GPR158: variants seen among roughly 807,000 people sequenced by gnomAD.
The protein encoded by GPR158 is metabotropic glycine receptor.
GPR158 carries 30 observed loss-of-function variants against 78.2 expected under a neutral mutation model. The observed-to-expected ratio is 0.38, with a 90% CI of 0.29 to 0.52. The LOEUF (loss-of-function observed/expected upper bound fraction) is 0.52, where lower values mean the gene tolerates loss of function less well. Ranked by LOEUF, GPR158 falls within the 20% of genes least tolerant of loss-of-function variation. The pLI is 0.83. For missense variants in GPR158, 1,463 were observed against 1,523.5 expected (o/e 0.96, Z 0.66); for synonymous variants, 581 against 591.1 (o/e 0.98, Z 0.25).
At chr10:25,456,243 A>G (rs1181966438) in intron 4 of GPR158, among the ~76,000 whole-genome samples, 2 of 152,312 alleles carry the variant, frequency 1.3e-5, no homozygotes, top group East Asian at 3.9e-4. Context: ...ACTCTTTTGT[A>G]TCCTTGTAAA....
At chr10:25,211,861 T>C (rs887823192) in intron 1 of GPR158, among the ~76,000 whole-genome samples, 3 of 152,198 alleles carry the variant, frequency 2.0e-5, no homozygotes, top group African/African-American at 7.2e-5. Flanking sequence ...TTATCATAAG[T>C]ATAAGTGCCT....
chr10:25,336,344 C>T (rs1046331708), intron 2 of GPR158, among the ~76,000 whole-genome samples: 4 of 152,032 alleles, frequency 2.6e-5, no homozygotes, highest in Admixed American at 1.3e-4. Flanking sequence ...ACCAAAGAAT[C>T]ATTTACATTC....
chr10:25,429,699 G>C (rs1198226349), intron 4 of GPR158, among the ~76,000 whole-genome samples: 1 of 149,904 alleles, frequency 6.7e-6, no homozygotes, highest in African/African-American at 2.5e-5. Flanking sequence ...TGCAAGGCTG[G>C]TTCAATATAT....
At chr10:25,405,926 A>C (rs1342207824) in intron 3 of GPR158, among the ~76,000 whole-genome samples, 1 of 152,050 alleles carries the variant, frequency 6.6e-6, no homozygotes, top group Non-Finnish European at 1.5e-5. Flanking sequence ...TTCCATGTCC[A>C]TCACATGATT....
At chr10:25,295,440 G>C (rs1040758750) in intron 2 of GPR158, among the ~76,000 whole-genome samples, 1 of 151,904 alleles carries the variant, frequency 6.6e-6, no homozygotes, top group Non-Finnish European at 1.5e-5. Flanking sequence ...TTGAGACGAA[G>C]TCTCACTCTG....
intron 5 of GPR158, among the ~76,000 whole-genome samples, chr10:25,467,004 A>G (rs1835433605): frequency 6.6e-6 from 1 of 152,194 alleles, no homozygotes; most frequent in Admixed American, 6.5e-5. Flanking sequence ...CCCCTGACAC[A>G]GCCCTCAGGA....
At chr10:25,510,656 G>A (rs1244158627) in intron 5 of GPR158, among the ~76,000 whole-genome samples, 2 of 152,142 alleles carry the variant, frequency 1.3e-5, no homozygotes, top group African/African-American at 2.4e-5. Context: ...CCCATCACCT[G>A]AGCAGTGTAC....
At chr10:25,425,488 T>G (rs1034431653) in intron 4 of GPR158, among the ~76,000 whole-genome samples, 4 of 151,946 alleles carry the variant, frequency 2.6e-5, no homozygotes, top group Admixed American at 2.0e-4. Context: ...TTGAGAGTTG[T>G]CTATTCATGT....
chr10:25,459,839 T>C (rs946311742), intron 4 of GPR158, among the ~76,000 whole-genome samples: 1 of 152,214 alleles, frequency 6.6e-6, no homozygotes, highest in African/African-American at 2.4e-5. Context: ...TGACATATTT[T>C]TTTGTCTATG....
At chr10:25,432,330 C>T (rs1397412830) in intron 4 of GPR158, among the ~76,000 whole-genome samples, 1 of 152,200 alleles carries the variant, frequency 6.6e-6, no homozygotes, top group East Asian at 1.9e-4. Flanking sequence ...GAACTACCTA[C>T]TCCCATCTAT....
intron 6 of GPR158, among the ~76,000 whole-genome samples, chr10:25,567,544 T>A (rs1052810799): frequency 6.6e-6 from 1 of 151,934 alleles, no homozygotes; most frequent in Non-Finnish European, 1.5e-5. Flanking sequence ...AACGGAGACA[T>A]GAAGGAGATG....
At chr10:25,321,636 T>C (rs1854948925) in intron 2 of GPR158, among the ~76,000 whole-genome samples, 1 of 126,024 alleles carries the variant, frequency 7.9e-6, no homozygotes, top group Non-Finnish European at 1.7e-5. Context: ...TATATAACCC[T>C]CCTTTAAAAT....
chr10:25,540,366 A>G (rs369478136), intron 5 of GPR158, among the ~76,000 whole-genome samples: 3 of 152,242 alleles, frequency 2.0e-5, no homozygotes, highest in African/African-American at 7.2e-5. Flanking sequence ...TAGTTCAACC[A>G]TTGTGGAAGA....
At chr10:25,409,180 G>C (rs1361858013) in intron 3 of GPR158, among the ~76,000 whole-genome samples, 1 of 152,082 alleles carries the variant, frequency 6.6e-6, no homozygotes, top group African/African-American at 2.4e-5. Context: ...TGCTGTCTGG[G>C]AGCACATTTT....
At chr10:25,211,176 T>C (rs1351282189) in intron 1 of GPR158, among the ~76,000 whole-genome samples, 1 of 151,984 alleles carries the variant, frequency 6.6e-6, no homozygotes, top group Non-Finnish European at 1.5e-5. Flanking sequence ...AAATTTCTGA[T>C]GTTTTTCACT....
intron 2 of GPR158, among the ~76,000 whole-genome samples, chr10:25,270,503 A>G (rs1157370624): frequency 6.6e-6 from 1 of 152,132 alleles, no homozygotes; most frequent in Admixed American, 6.6e-5. Context: ...GTTTGCAGCT[A>G]CAAACTGTCT....
intron 4 of GPR158, among the ~76,000 whole-genome samples, chr10:25,441,676 G>A (rs1019292332): frequency 2.0e-5 from 3 of 152,036 alleles, no homozygotes; most frequent in Non-Finnish European, 2.9e-5. Flanking sequence ...AGCTGTTTGT[G>A]GTATACCTCC....
rs145684993 is a variant in GPR158 at position 25,598,241 on chromosome 10, C to T, written c.2615C>T (p.Ser872Leu). 55 of 1,613,900 alleles carry T rather than the reference C, an allele frequency of 3.4e-5. No individual in the cohort carries two copies. The highest frequency in any genetic ancestry group is 4.5e-5 in the East Asian group (2 of 44,868). The change falls in exon 11 of 11, where the codon TCG (serine) becomes TTG (leucine). Residue 872 changes from serine (S) to leucine (L), a missense_variant. Coordinates refer to ENST00000376351, the MANE Select transcript of GPR158 (RefSeq NM_020752.3). ...GACAGCGAGGCTGAGTCCACGGAGT[C>T]GGTGCCGTTGGTGTGCAAGTCAGCA... The part of the protein sequence containing the change: ...KEDSEAESTE[S>L]VPLVCKSASA...
At chr10:25,262,476 T>C (rs1853980708) in intron 2 of GPR158, among the ~76,000 whole-genome samples, 1 of 152,166 alleles carries the variant, frequency 6.6e-6, no homozygotes, top group African/African-American at 2.4e-5. Flanking sequence ...TTTCCAAATT[T>C]TGTGATATAT....
Sources: allele counts gnomAD v4.1 joint callset (sites outside exome capture counted in the v4.1 genomes callset), GRCh38; gene constraint gnomAD v4.1.1; transcripts MANE v1.5; gene names NCBI Gene and HGNC (gene_info 2026-07-23, HGNC 2026-07-21).